Variants in TMEM255B observed in about 807,000 individuals in gnomAD.
The protein encoded by TMEM255B is family with sequence similarity 70, member B.
A neutral mutation model predicts 34.5 loss-of-function variants in TMEM255B; 35 were observed. The ratio of observed to expected loss-of-function variants is 1.01; its 90% CI spans 0.77 to 1.34. TMEM255B has a LOEUF of 1.34. Among genes scored for constraint, TMEM255B ranks in the 40% most tolerant of loss-of-function variants. The pLI is 0.00. For missense variants in TMEM255B, 432 were observed against 433.2 expected, an observed-to-expected ratio of 1.00 and a Z score of 0.02; for synonymous variants, 206 against 201.2, an observed-to-expected ratio of 1.02 and a Z score of -0.20.
In TMEM255B at chr13:113,759,248, G is replaced by C. The variant is rs1357181161; in HGVS notation, c.-22G>C. ...GGCGGGACTGTGGCTGTGGCCCCGG[G>C]AGAGCCGGGTGGGGCCTCGGGATGC... is the stretch of plus-strand genomic sequence containing the variant. On this transcript the variant is annotated 5_prime_UTR_variant, in exon 1 of 9. Coordinates refer to ENST00000375353, the MANE Select transcript of TMEM255B (RefSeq NM_182614.4). 7 of 1,227,688 alleles carry C rather than the reference G, an allele frequency of 5.7e-6. No homozygotes were observed. Among genetic ancestry groups the C allele is most frequent in the Non-Finnish European group, 7.1e-6 (7 of 985,376 alleles). 76.0% of individuals were successfully genotyped at this position (1,227,688 alleles called of 1,614,324 possible). A position where few individuals can be genotyped will look rare whatever the true frequency, so the allele number is the denominator to read the frequency against.
chr13:113,808,136 A>G (rs1418475766), intron 8 of TMEM255B, among the ~76,000 whole-genome samples: 3 of 152,080 alleles, frequency 2.0e-5, no homozygotes, highest in African/African-American at 4.8e-5. Flanking sequence ...TTCCACAGAG[A>G]TGGAGAGAAA....
intron 7 of TMEM255B, 22 bp downstream of exon 7, chr13:113,801,834 C>T (rs975073758): frequency 9.0e-6 from 14 of 1,563,338 alleles, no homozygotes; most frequent in Non-Finnish European, 1.2e-5. Context: ...TGGTGGGACC[C>T]CCGCTGCTCA....
intron 1 of TMEM255B, 143 bp from the exon 2 acceptor site, chr13:113,765,972 G>A: frequency 1.1e-6 from 1 of 942,880 alleles, no homozygotes; most frequent in Non-Finnish European, 1.6e-6. Flanking sequence ...GGTTGGGGGT[G>A]GTCCCCTGAG....
chr13:113,759,730 C>T (rs1255507464), intron 1 of TMEM255B, among the ~76,000 whole-genome samples: 3 of 152,172 alleles, frequency 2.0e-5, no homozygotes, highest in Non-Finnish European at 2.9e-5. Flanking sequence ...CACCATTTTC[C>T]GGGAAAACTT....
At chr13:113,795,920 GCACACAC>G (rs1398942381) in intron 4 of TMEM255B, among the ~76,000 whole-genome samples, 3 of 107,108 alleles carry the variant, frequency 2.8e-5, no homozygotes, top group Non-Finnish European at 3.8e-5. Context: ...ACAGCACACA[GCACACAC>G]CACACAACAC....
chr13:113,795,473 A>G (rs1476383468), intron 4 of TMEM255B, among the ~76,000 whole-genome samples: 3 of 144,582 alleles, frequency 2.1e-5, no homozygotes, highest in Non-Finnish European at 4.5e-5. Flanking sequence ...AGCACACACC[A>G]CAACAGAGCA....
At chr13:113,766,699 T>C (rs924531627) in intron 2 of TMEM255B, among the ~76,000 whole-genome samples, 2 of 152,160 alleles carry the variant, frequency 1.3e-5, no homozygotes, top group South Asian at 4.1e-4. Flanking sequence ...TCGACCACCA[T>C]AGCCCATGGA....
At chr13:113,807,870 G>A (rs1159255794) in intron 8 of TMEM255B, among the ~76,000 whole-genome samples, 2 of 147,856 alleles carry the variant, frequency 1.4e-5, no homozygotes, top group African/African-American at 2.4e-5. Flanking sequence ...GGGACGTGGG[G>A]GGCACAGGGG....
chr13:113,766,691 G>A (rs569218779), intron 2 of TMEM255B, among the ~76,000 whole-genome samples: 3 of 152,160 alleles, frequency 2.0e-5, no homozygotes, highest in East Asian at 1.9e-4. Context: ...GGACCAGGTC[G>A]ACCACCATAG....
chr13:113,805,110 G>C, intron 8 of TMEM255B, 82 bp downstream of exon 8: 1 of 1,392,690 alleles, frequency 7.2e-7, no homozygotes, highest in Non-Finnish European at 9.4e-7. Flanking sequence ...GGTCGGAGGG[G>C]ATGAGGTCTT....
intron 2 of TMEM255B, chr13:113,766,568 G>T (rs911536288): frequency 1.6e-5 from 7 of 428,282 alleles, no homozygotes; most frequent in East Asian, 4.9e-5. Context: ...CAGGAGGGGG[G>T]CCAGAGCCCG....
intron 6 of TMEM255B, among the ~76,000 whole-genome samples, chr13:113,801,369 G>C (rs535731387): frequency 2.6e-5 from 4 of 152,324 alleles, no homozygotes; most frequent in African/African-American, 7.2e-5. Context: ...TGGCTCAGCC[G>C]GGGCCCAGAC....
intron 4 of TMEM255B, among the ~76,000 whole-genome samples, chr13:113,796,956 C>T (rs1315380014): frequency 1.3e-5 from 2 of 152,026 alleles, no homozygotes; most frequent in African/African-American, 2.4e-5. Flanking sequence ...CACACTCGCG[C>T]GCACACACAC....
chr13:113,799,006 A>G (rs1479615268), intron 4 of TMEM255B, among the ~76,000 whole-genome samples: 2 of 152,214 alleles, frequency 1.3e-5, no homozygotes, highest in African/African-American at 4.8e-5. Context: ...GCAGGAGCCT[A>G]ACACCTGTGA....
intron 1 of TMEM255B, 115 bp from the exon 2 acceptor site, chr13:113,766,000 C>G (rs117383135): frequency 7.2e-7 from 1 of 1,395,478 alleles, no homozygotes. Flanking sequence ...TGGAGGCAGG[C>G]GGGGATAGTG....
rs1003207881 is a variant in TMEM255B at position 113,814,155 on chromosome 13, C to T, written c.*2252C>T. 4.6e-5 allele frequency: 7 copies of T among 152,176 alleles called. No individual in the cohort carries two copies. Among genetic ancestry groups the T allele is most frequent in the African/African-American group, 1.4e-4 (6 of 41,450 alleles). The allele number at this position is 152,176 out of a possible 1,614,324, so 9.4% of individuals were successfully genotyped here. On this transcript the variant is annotated 3_prime_UTR_variant, in exon 9 of 9. Coordinates refer to ENST00000375353, the MANE Select transcript of TMEM255B (RefSeq NM_182614.4). The stretch of plus-strand genomic sequence containing the variant: ...CACCCTGGAGCTCGGGCTGTGCCCC[C>T]GAAGCTGCCTGGTGCAGGCACCAGC...
At chr13:113,796,923 G>A (rs576254617) in intron 4 of TMEM255B, among the ~76,000 whole-genome samples, 56 of 152,224 alleles carry the variant, frequency 3.7e-4, no homozygotes, top group Middle Eastern at 3.4e-3. Flanking sequence ...GCGCACGCAT[G>A]CACACACCAC....
intron 3 of TMEM255B, among the ~76,000 whole-genome samples, 198 bp from the exon 4 acceptor site, chr13:113,794,950 C>T (rs563567522): frequency 3.3e-5 from 5 of 152,338 alleles, no homozygotes; most frequent in East Asian, 1.9e-4. Flanking sequence ...GTGGGTCTTG[C>T]GGAATAGACG....
intron 5 of TMEM255B, among the ~76,000 whole-genome samples, chr13:113,800,343 T>TGTGTGTGTGTGTGTG (rs1555367611): frequency 1.4e-5 from 1 of 72,204 alleles, no homozygotes; most frequent in Non-Finnish European, 2.8e-5. Flanking sequence ...GTGTGTGTGT[T>TGTGTGTGTGTGTGTG]GGGGGGTGTC....
Sources: gnomAD v4.1 joint callset for allele counts (sites outside exome capture counted in the v4.1 genomes callset) on GRCh38, gnomAD v4.1.1 for gene constraint, MANE v1.5 for transcripts, NCBI Gene and HGNC (gene_info 2026-07-23, HGNC 2026-07-21) for gene names.